PPM1F: variants seen among roughly 807,000 people sequenced by gnomAD.
PPM1F encodes protein phosphatase, Mg2+/Mn2+ dependent 1F, also known as protein phosphatase 1F.
Under a neutral mutation model 35.5 loss-of-function variants are expected in PPM1F, and 17 were observed. The observed-to-expected ratio is 0.48, with a 90% CI of 0.33 to 0.72. PPM1F has a LOEUF of 0.72. Ranked by LOEUF, PPM1F falls within the 30% of genes least tolerant of loss-of-function variation. The pLI is 0.02. For missense variants in PPM1F, 521 were observed against 613.0 expected (o/e 0.85, Z 1.59); for synonymous variants, 241 against 255.5 (o/e 0.94, Z 0.54).
chr22:21,922,936 G>A lies in PPM1F; in HGVS notation c.*156C>T. On this transcript the variant is annotated 3_prime_UTR_variant, in exon 8 of 8. Transcript: ENST00000263212. ...GTGCAGTTCCACAGCCACCAGGACG[G>A]GCTGCGGGGGGTGTCCCGACTGGCT... is the stretch of plus-strand genomic sequence containing the variant. 2.1e-6 allele frequency: 2 copies of A among 952,298 alleles called. No homozygotes were observed. Among genetic ancestry groups the A allele is most frequent in the South Asian group, 1.6e-5 (1 of 61,138 alleles). The allele number at this position is 952,298 out of a possible 1,614,324, so 59.0% of individuals were successfully genotyped here. A position where few individuals can be genotyped will look rare whatever the true frequency, so the allele number is the denominator to read the frequency against.
chr22:21,929,985 C>T (rs2083565), intron 6 of PPM1F, among the ~76,000 whole-genome samples: 59,330 of 152,050 alleles, frequency 0.39, 11,930 homozygotes, highest in Middle Eastern at 0.49. Flanking sequence ...CATGGAAAAA[C>T]ATTTGCAAAT....
intron 2 of PPM1F, chr22:21,940,511 A>C (rs1039046914): frequency 1.7e-5 from 2 of 120,308 alleles, no homozygotes; most frequent in Admixed American, 8.0e-5. Flanking sequence ...ATTTGGACAC[A>C]GACACACACA....
At chr22:21,944,875 C>G (rs542584303) in intron 2 of PPM1F, 2 of 152,398 alleles carry the variant, frequency 1.3e-5, no homozygotes, top group East Asian at 3.9e-4. Flanking sequence ...CTATCTTCCC[C>G]GAAATCTGCT....
In PPM1F at chr22:21,946,076, T is replaced by C. The variant is rs753728271; in HGVS notation, c.-28A>G. 3 of 1,490,760 alleles carry C rather than the reference T, an allele frequency of 2.0e-6. No individual in the cohort carries two copies. The highest frequency in any genetic ancestry group is 1.8e-6 in the Non-Finnish European group (2 of 1,117,012). 92.3% of individuals were successfully genotyped at this position (1,490,760 alleles called of 1,614,324 possible). A position where few individuals can be genotyped will look rare whatever the true frequency, so the allele number is the denominator to read the frequency against. On this transcript the variant is annotated 5_prime_UTR_variant, in exon 2 of 8. Coordinates refer to ENST00000263212, the MANE Select transcript of PPM1F (RefSeq NM_014634.4). ...CCAAAGCATCCCGGGGGCCTGCAGC[T>C]AGGCCAGGGCAAGAGGGTCTCCAGG... is the stretch of plus-strand genomic sequence containing the variant.
intron 4 of PPM1F, among the ~76,000 whole-genome samples, 159 bp from the exon 5 acceptor site, chr22:21,933,738 G>A (rs780369091): frequency 6.6e-6 from 1 of 152,310 alleles, no homozygotes; most frequent in South Asian, 2.1e-4. Flanking sequence ...AGGACAGCTC[G>A]CGGGAGCCTC....
At chr22:21,930,598 G>A (rs1260813554) in intron 6 of PPM1F, among the ~76,000 whole-genome samples, 1 of 152,188 alleles carries the variant, frequency 6.6e-6, no homozygotes, top group Non-Finnish European at 1.5e-5. Context: ...GGAAAAGTGG[G>A]GTTTGAGGGA....
At chr22:21,931,733 G>T (rs905048688) in intron 5 of PPM1F, among the ~76,000 whole-genome samples, 2 of 151,966 alleles carry the variant, frequency 1.3e-5, no homozygotes, top group Admixed American at 6.6e-5. Flanking sequence ...TCCCAGGCTG[G>T]TCTTGAACTC....
In PPM1F at chr22:21,931,161, C is replaced by T; in HGVS notation, c.878G>A (p.Arg293Lys). The change falls in exon 6 of 8, where the codon AGA (arginine) becomes AAA (lysine). Residue 293 changes from arginine (R) to lysine (K), a missense_variant. By Grantham distance (26) the Arg-to-Lys change is conservative. This residue lies in a region of PPM1F where 47 missense variants were observed against 92.0 expected (regional missense o/e 0.51). Transcript: ENST00000263212. ...GQVVKLMEPH[R>K]PERQDEKARI... ...GGATCCCCTTACCTGCCGTTCTGGT[C>T]TGTGTGGCTCCATCAGCTTCACCAC... is the stretch of plus-strand genomic sequence containing the variant. 6.2e-7 allele frequency: 1 copy of T among 1,614,162 alleles called. No individual in the cohort carries two copies. The highest frequency in any genetic ancestry group is 1.7e-5 in the Admixed American group (1 of 60,026).
intron 6 of PPM1F, among the ~76,000 whole-genome samples, chr22:21,928,556 C>A (rs929350531): frequency 6.6e-6 from 1 of 152,116 alleles, no homozygotes; most frequent in Non-Finnish European, 1.5e-5. Context: ...CTCCCCTGCC[C>A]CGAGTCTTCT....
rs2070622704 is a variant in PPM1F at position 21,933,699 on chromosome 22, A to G, written c.559-120T>C. 1.6e-5 allele frequency: 15 copies of G among 914,258 alleles called. No individual in the cohort carries two copies. The South Asian group carries it at 2.5e-4, about 15-fold the overall frequency. The allele number at this position is 914,258 out of a possible 1,614,324, so 56.6% of individuals were successfully genotyped here. A position where few individuals can be genotyped will look rare whatever the true frequency, so the allele number is the denominator to read the frequency against. Reference sequence around the variant, plus strand: ...AATCAGTATGGCCTTCGCCCGGCTTATGTGCGTATGAGGGGGTAGGTTTGG... The same window carrying G: ...AATCAGTATGGCCTTCGCCCGGCTTGTGTGCGTATGAGGGGGTAGGTTTGG... On this transcript the variant is annotated intron_variant, in intron 4 of 7. Coordinates refer to ENST00000263212, the MANE Select transcript of PPM1F (RefSeq NM_014634.4).
In PPM1F at chr22:21,939,692, G is replaced by T; in HGVS notation, c.207-12C>A. On this transcript the variant is annotated splice_polypyrimidine_tract_variant and intron_variant, in intron 2 of 7. Coordinates refer to ENST00000263212, the MANE Select transcript of PPM1F (RefSeq NM_014634.4). The surrounding 1 kb of genome is among the most constrained non-coding windows in gnomAD (Gnocchi z 5.1). ...GTGGCGGGGCCTTCCTAGGGATGAGGAGGGGGAAGTGAGGGGCAGCCCCCA... is the reference window on the plus strand; with the variant it reads ...GTGGCGGGGCCTTCCTAGGGATGAGTAGGGGGAAGTGAGGGGCAGCCCCCA... 3 of 1,551,564 alleles carry T rather than the reference G, an allele frequency of 1.9e-6. No individual in the cohort carries two copies. Among genetic ancestry groups the T allele is most frequent in the Non-Finnish European group, 2.6e-6 (3 of 1,146,934 alleles).
At position 21,921,976 on chromosome 22, in the gene PPM1F, G is replaced by C. The variant is rs371306157; in HGVS notation, c.*1116C>G. On this transcript the variant is annotated 3_prime_UTR_variant, in exon 8 of 8. Transcript: ENST00000263212. ...AGCTCCTGCCAGTCACCTGGGCAGC[G>C]GGGGGAGGGGAGAACCTTGGGGGTG... The C allele has an allele frequency of 6.6e-6, 1 of 152,220 alleles. No homozygotes were observed. The highest frequency in any genetic ancestry group is 1.5e-5 in the Non-Finnish European group (1 of 68,048). The allele number at this position is 152,220 out of a possible 1,614,324, so 9.4% of individuals were successfully genotyped here. A position where few individuals can be genotyped will look rare whatever the true frequency, so the allele number is the denominator to read the frequency against.
intron 3 of PPM1F, chr22:21,934,582 C>A (rs763625275): frequency 4.6e-6 from 1 of 218,090 alleles, no homozygotes; most frequent in Non-Finnish European, 9.2e-6. Flanking sequence ...AGGAATAATA[C>A]TTAAATTATG....
intron 2 of PPM1F, chr22:21,944,207 T>C (rs1465792256): frequency 6.6e-6 from 1 of 152,258 alleles, no homozygotes; most frequent in African/African-American, 2.4e-5. Context: ...ATAACACCCT[T>C]TGCGCATGCC....
Position 21,922,941 on chromosome 22 carries a change from C to CA in PPM1F, c.*150_*151insT, listed in dbSNP as rs540062906. ...GTTCCACAGCCACCAGGACGGGCTG[C>CA]GGGGGGTGTCCCGACTGGCTCTGGG... On this transcript the variant is annotated 3_prime_UTR_variant, in exon 8 of 8. Transcript: ENST00000263212. The CA allele has an allele frequency of 1.8e-5, 18 of 1,009,902 alleles. No homozygotes were observed. Among genetic ancestry groups the CA allele is most frequent in the South Asian group, 1.6e-4 (10 of 62,450 alleles). The allele number at this position is 1,009,902 out of a possible 1,614,324, so 62.6% of individuals were successfully genotyped here.
chr22:21,947,770 G>GT (rs2070791759), intron 1 of PPM1F: 1 of 152,214 alleles, frequency 6.6e-6, no homozygotes, highest in Non-Finnish European at 1.5e-5. Context: ...AGAGTGGGAA[G>GT]TAAGAGATGC....
chr22:21,947,987 T>G (rs368595321), intron 1 of PPM1F: 167 of 152,356 alleles, frequency 1.1e-3, no homozygotes, highest in African/African-American at 3.8e-3. Context: ...AAAACCCTTC[T>G]CTTCTTTTAG....
intron 6 of PPM1F, among the ~76,000 whole-genome samples, chr22:21,927,528 C>T (rs997509145): frequency 9.2e-5 from 14 of 152,226 alleles, no homozygotes; most frequent in African/African-American, 3.1e-4. Context: ...GGAGAATGAA[C>T]GGCAATCTGC....
At chr22:21,924,491 G>A (rs1191478245) in intron 7 of PPM1F, among the ~76,000 whole-genome samples, 1 of 151,726 alleles carries the variant, frequency 6.6e-6, no homozygotes, top group East Asian at 1.9e-4. Flanking sequence ...GGCTGGTCTC[G>A]AACTCCTGAC....
Sources: gnomAD v4.1 joint callset for allele counts (sites outside exome capture counted in the v4.1 genomes callset) on GRCh38, gnomAD v4.1.1 for gene constraint, gnomAD v4.1.1 regional missense constraint, Gnocchi (gnomAD v3.1) non-coding constraint, MANE v1.5 for transcripts, NCBI Gene and HGNC (gene_info 2026-07-23, HGNC 2026-07-21) for gene names.